PDE4D: variants seen among roughly 807,000 people sequenced by gnomAD.
The protein encoded by PDE4D is 3',5'-cyclic-AMP phosphodiesterase 4D.
PDE4D carries 24 observed loss-of-function variants against 87.4 expected under a neutral mutation model. The ratio of observed to expected loss-of-function variants is 0.27; its 90% confidence interval spans 0.20 to 0.39. The LOEUF is 0.39. PDE4D is among the 10% of genes least tolerant of loss of function. The probability of loss-of-function intolerance (pLI) is 1.00; values close to 1 mark genes in which losing one functional copy is unlikely to be tolerated. For missense variants in PDE4D, 714 were observed against 1,041.0 expected (o/e 0.69, Z 4.32); for synonymous variants, 384 against 383.2 (o/e 1.00, Z -0.02).
chr5:60,459,960 A>T, intron 1 of PDE4D: 4 of 739,258 alleles, frequency 5.4e-6, no homozygotes, highest in Non-Finnish European at 7.3e-6. Flanking sequence ...CCTCCTCTTC[A>T]TCATCATCAT....
chr5:59,075,075 AACACACAC>A (rs70973189), intron 5 of PDE4D, among the ~76,000 whole-genome samples: 3,429 of 129,848 alleles, frequency 0.026, 143 homozygotes, highest in African/African-American at 0.084. Flanking sequence ...AAGCTTACAA[AACACACAC>A]ACACACACAC....
At chr5:60,322,618 A>G (rs1022515500) in intron 1 of PDE4D, among the ~76,000 whole-genome samples, 1 of 152,066 alleles carries the variant, frequency 6.6e-6, no homozygotes, top group African/African-American at 2.4e-5. Flanking sequence ...TCCCCTTCTC[A>G]TGAGCTAACA....
At chr5:60,513,975 AATG>A (rs984716464) in intron 1 of PDE4D, among the ~76,000 whole-genome samples, 22 of 151,466 alleles carry the variant, frequency 1.5e-4, no homozygotes, top group African/African-American at 5.3e-4. Flanking sequence ...GAAGAAATGA[AATG>A]ATAATATAAG....
chr5:59,775,646 TG>T (rs1425693234), intron 1 of PDE4D, among the ~76,000 whole-genome samples: 1 of 152,198 alleles, frequency 6.6e-6, no homozygotes, highest in Non-Finnish European at 1.5e-5. Flanking sequence ...CGAAAGATCT[TG>T]GGTGGACCTT....
chr5:59,312,753 A>C (rs887318165), intron 1 of PDE4D, among the ~76,000 whole-genome samples: 1 of 152,140 alleles, frequency 6.6e-6, no homozygotes, highest in African/African-American at 2.4e-5. Context: ...GTCTTTTATA[A>C]CTGAGATCTG....
intron 1 of PDE4D, among the ~76,000 whole-genome samples, chr5:59,380,601 T>C (rs1320392466): frequency 6.6e-6 from 1 of 152,146 alleles, no homozygotes; most frequent in Admixed American, 6.5e-5. Context: ...CTCATAATTG[T>C]AGTGTTCTGT....
intron 5 of PDE4D, among the ~76,000 whole-genome samples, chr5:59,146,786 GATAAA>G (rs1353606397): frequency 6.6e-6 from 1 of 152,022 alleles, no homozygotes; most frequent in Non-Finnish European, 1.5e-5. Flanking sequence ...ATTACCTTTT[GATAAA>G]ATAAGTAGAA....
chr5:60,152,522 A>G (rs1300278001), intron 2 of PDE4D, among the ~76,000 whole-genome samples: 1 of 151,914 alleles, frequency 6.6e-6, no homozygotes, highest in Non-Finnish European at 1.5e-5. Flanking sequence ...GCGTGGTGGC[A>G]GGCGCCTGTA....
At chr5:59,239,612 C>T (rs548705294) in intron 1 of PDE4D, among the ~76,000 whole-genome samples, 1 of 152,252 alleles carries the variant, frequency 6.6e-6, no homozygotes, top group African/African-American at 2.4e-5. Flanking sequence ...AAGTAACTTG[C>T]CTGAAATTTG....
At chr5:59,085,935 G>A (rs1276350191) in intron 5 of PDE4D, among the ~76,000 whole-genome samples, 1 of 152,122 alleles carries the variant, frequency 6.6e-6, no homozygotes, top group East Asian at 1.9e-4. Context: ...TGGAGGTTGG[G>A]GTTGTAGAAG....
intron 1 of PDE4D, among the ~76,000 whole-genome samples, chr5:60,286,145 C>G (rs1261519091): frequency 6.6e-6 from 1 of 152,138 alleles, no homozygotes; most frequent in African/African-American, 2.4e-5. Flanking sequence ...GTCACAACAA[C>G]CCGGGAAACA....
intron 1 of PDE4D, among the ~76,000 whole-genome samples, chr5:59,584,902 T>A (rs1824845815): frequency 6.6e-6 from 1 of 152,302 alleles, no homozygotes; most frequent in Middle Eastern, 3.4e-3. Context: ...TGCCAGGAAC[T>A]GTTTCCAGGA....
chr5:60,503,337 C>A (rs1426514671), intron 1 of PDE4D, among the ~76,000 whole-genome samples: 1 of 152,076 alleles, frequency 6.6e-6, no homozygotes, highest in East Asian at 1.9e-4. Flanking sequence ...ACAAGAACAC[C>A]AACATTGTCA....
intron 1 of PDE4D, among the ~76,000 whole-genome samples, chr5:60,202,189 T>C (rs984633686): frequency 6.6e-6 from 1 of 152,206 alleles, no homozygotes; most frequent in East Asian, 1.9e-4. Flanking sequence ...TATTTATTTG[T>C]TTTTGAGACA....
At chr5:59,215,568 T>C (rs1469918371) in intron 2 of PDE4D, 1 of 543,370 alleles carries the variant, frequency 1.8e-6, no homozygotes, top group East Asian at 3.2e-5. Context: ...TGTGTGTGTG[T>C]GTGTGTGTGT....
At chr5:59,013,067 T>C (rs1753172583) in intron 6 of PDE4D, among the ~76,000 whole-genome samples, 3 of 152,192 alleles carry the variant, frequency 2.0e-5, no homozygotes, top group Admixed American at 2.0e-4. Context: ...CATAATGCGA[T>C]GAAGGCAGAA....
intron 1 of PDE4D, among the ~76,000 whole-genome samples, chr5:59,730,284 G>C (rs993090003): frequency 3.3e-5 from 5 of 152,094 alleles, no homozygotes; most frequent in African/African-American, 1.2e-4. Flanking sequence ...AAGCTTCGTA[G>C]ATACTAAACT....
intron 1 of PDE4D, among the ~76,000 whole-genome samples, chr5:59,521,431 T>A (rs1201179081): frequency 1.3e-5 from 2 of 152,154 alleles, no homozygotes; most frequent in African/African-American, 4.8e-5. Context: ...CAACAGCTAT[T>A]TTTGCAGGTA....
chr5:59,379,137 A>G (rs887538624), intron 1 of PDE4D, among the ~76,000 whole-genome samples: 2 of 152,094 alleles, frequency 1.3e-5, no homozygotes, highest in African/African-American at 4.8e-5. Flanking sequence ...CTAAGCCACA[A>G]CACCCAAACC....
Sources: gnomAD v4.1 joint callset for allele counts (sites outside exome capture counted in the v4.1 genomes callset) on GRCh38, gnomAD v4.1.1 for gene constraint, MANE v1.5 for transcripts, NCBI Gene and HGNC (gene_info 2026-07-23, HGNC 2026-07-21) for gene names.